The following RBFOX1 variants were observed in gnomAD, a reference collection of about 807,000 sequenced individuals.
The protein encoded by RBFOX1 is RNA binding fox-1 homolog 1, also known as RNA binding protein fox-1 homolog 1.
In RBFOX1, 8 loss-of-function variants were observed where a neutral mutation model predicts 57.7. The ratio of observed to expected loss-of-function variants is 0.14; its 90% confidence interval spans 0.08 to 0.25. RBFOX1 has a LOEUF of 0.25. RBFOX1 is among the 10% of genes least tolerant of loss of function. RBFOX1 has a pLI of 1.00. For missense variants in RBFOX1, 611 were observed against 548.5 expected, an observed-to-expected ratio of 1.11 and a Z score of -1.14; for synonymous variants, 326 against 222.4, an observed-to-expected ratio of 1.47 and a Z score of -4.15.
chr16:6,756,057 G>A (rs771656807), intron 3 of RBFOX1, among the ~76,000 whole-genome samples: 6 of 152,100 alleles, frequency 3.9e-5, no homozygotes, highest in Non-Finnish European at 7.4e-5. Flanking sequence ...GCCTCCCAGG[G>A]AGTGACCACA....
intron 1 of RBFOX1, among the ~76,000 whole-genome samples, chr16:6,177,755 C>T (rs1485119419): frequency 6.6e-6 from 1 of 151,680 alleles, no homozygotes; most frequent in Admixed American, 6.6e-5. Flanking sequence ...ATGAGTACAC[C>T]CAAGCACGCA....
At chr16:5,623,892 A>G (rs2048271548) in intron 3 of RBFOX1, among the ~76,000 whole-genome samples, 1 of 152,216 alleles carries the variant, frequency 6.6e-6, no homozygotes, top group African/African-American at 2.4e-5. Flanking sequence ...CATTTAGAGC[A>G]TACGATTCAG....
At chr16:5,879,210 C>T (rs771310163) in intron 4 of RBFOX1, among the ~76,000 whole-genome samples, 7 of 152,204 alleles carry the variant, frequency 4.6e-5, no homozygotes, top group Non-Finnish European at 7.3e-5. Flanking sequence ...ACTGCAAATG[C>T]AGTATCTCAA....
intron 2 of RBFOX1, among the ~76,000 whole-genome samples, chr16:5,484,463 C>T (rs1228835381): frequency 2.0e-5 from 3 of 152,198 alleles, no homozygotes; most frequent in Non-Finnish European, 4.4e-5. Flanking sequence ...CACCCCATTC[C>T]CTCTGCTTTA....
At chr16:6,654,384 A>G (rs2098630501) in intron 2 of RBFOX1, among the ~76,000 whole-genome samples, 1 of 152,198 alleles carries the variant, frequency 6.6e-6, no homozygotes, top group Non-Finnish European at 1.5e-5. Flanking sequence ...TCTGCATGTA[A>G]TAAAACTTAC....
chr16:6,208,851 G>A (rs1039037631), intron 1 of RBFOX1, among the ~76,000 whole-genome samples: 3 of 152,106 alleles, frequency 2.0e-5, no homozygotes, highest in African/African-American at 4.8e-5. Context: ...AGCCTATGTG[G>A]TTTTCCCCAG....
At chr16:6,458,409 C>T (rs1352558281) in intron 2 of RBFOX1, among the ~76,000 whole-genome samples, 1 of 152,168 alleles carries the variant, frequency 6.6e-6, no homozygotes, top group Non-Finnish European at 1.5e-5. Flanking sequence ...AGCCGTAGAA[C>T]CAGACTCATT....
chr16:6,018,216 G>A (rs1438353292), upstream of RBFOX1, among the ~76,000 whole-genome samples: 2 of 151,990 alleles, frequency 1.3e-5, no homozygotes, highest in East Asian at 1.9e-4. Context: ...GAGGAAGGAA[G>A]GGAGGGAGGG....
At chr16:5,819,250 A>G (rs550704299) in intron 3 of RBFOX1, among the ~76,000 whole-genome samples, 2 of 152,294 alleles carry the variant, frequency 1.3e-5, no homozygotes, top group South Asian at 2.1e-4. Context: ...ACATCCTATG[A>G]CAAAGGATCA....
At chr16:5,795,643 CT>C (rs2054852649) in intron 3 of RBFOX1, among the ~76,000 whole-genome samples, 1 of 152,150 alleles carries the variant, frequency 6.6e-6, no homozygotes, top group African/African-American at 2.4e-5. Context: ...CTCCTTACCC[CT>C]GACCACTCTT....
intron 2 of RBFOX1, among the ~76,000 whole-genome samples, chr16:6,504,487 CT>C (rs1295245215): frequency 6.6e-6 from 1 of 152,068 alleles, no homozygotes; most frequent in African/African-American, 2.4e-5. Flanking sequence ...TGCATGAGAC[CT>C]TTGTAATGTG....
At chr16:6,901,017 C>T (rs1223083576) in intron 3 of RBFOX1, among the ~76,000 whole-genome samples, 2 of 152,166 alleles carry the variant, frequency 1.3e-5, no homozygotes, top group Non-Finnish European at 2.9e-5. Flanking sequence ...GATATCCCTC[C>T]CATTCACCGA....
chr16:6,034,892 C>T (rs1038521696), intron 1 of RBFOX1, among the ~76,000 whole-genome samples: 2 of 151,998 alleles, frequency 1.3e-5, no homozygotes, highest in Admixed American at 1.3e-4. Flanking sequence ...GGTGGATGGT[C>T]AGCTCAGGAG....
chr16:5,949,502 G>T (rs528114109), intron 4 of RBFOX1, among the ~76,000 whole-genome samples: 4 of 135,858 alleles, frequency 2.9e-5, no homozygotes, highest in African/African-American at 1.2e-4. Flanking sequence ...CTCTAGCCTG[G>T]GTGGCAGTGC....
chr16:6,963,915 G>A (rs912329025), intron 3 of RBFOX1, among the ~76,000 whole-genome samples: 2 of 152,100 alleles, frequency 1.3e-5, no homozygotes, highest in Admixed American at 6.6e-5. Context: ...AGCCAAGACG[G>A]TGTCGATCTC....
intron 4 of RBFOX1, among the ~76,000 whole-genome samples, chr16:7,181,980 T>A (rs1292030614): frequency 6.6e-6 from 1 of 152,164 alleles, no homozygotes; most frequent in Admixed American, 6.5e-5. Context: ...GTAACAGAGA[T>A]AGTGAATAAC....
chr16:5,772,562 A>G (rs2054016837), intron 3 of RBFOX1, among the ~76,000 whole-genome samples: 1 of 152,222 alleles, frequency 6.6e-6, no homozygotes, highest in Admixed American at 6.5e-5. Context: ...ATACTATAGT[A>G]TAAATGTTAG....
chr16:6,446,086 T>A (rs1193249492), intron 2 of RBFOX1, among the ~76,000 whole-genome samples: 1 of 152,118 alleles, frequency 6.6e-6, no homozygotes. Context: ...CACCTCAACC[T>A]CTCAAGTAGC....
chr16:7,055,673 C>G (rs563757382), intron 4 of RBFOX1, among the ~76,000 whole-genome samples: 1 of 152,288 alleles, frequency 6.6e-6, no homozygotes, highest in African/African-American at 2.4e-5. Context: ...GAACTGGAAT[C>G]TCAGCGATTG....
Sources: gnomAD v4.1 joint callset for allele counts (sites outside exome capture counted in the v4.1 genomes callset) on GRCh38, gnomAD v4.1.1 for gene constraint, MANE v1.5 for transcripts, NCBI Gene and HGNC (gene_info 2026-07-23, HGNC 2026-07-21) for gene names.